CTIF: variants seen among roughly 807,000 people sequenced by gnomAD.
The protein encoded by CTIF is CBP80/20-dependent translation initiation factor.
Under a neutral mutation model 66.0 loss-of-function variants are expected in CTIF, and 21 were observed. That is an observed-to-expected ratio of 0.32 (90% CI 0.23 to 0.46). The LOEUF (loss-of-function observed/expected upper bound fraction) is 0.46, where lower values mean the gene tolerates loss of function less well. Ranked by LOEUF, CTIF falls within the 20% of genes least tolerant of loss-of-function variation. The pLI is 1.00. For missense variants in CTIF, 739 were observed against 812.7 expected (o/e 0.91, Z 1.10); for synonymous variants, 345 against 326.4 (o/e 1.06, Z -0.62).
chr18:48,661,063 A>G (rs776686968), intron 3 of CTIF, among the ~76,000 whole-genome samples: 4 of 152,180 alleles, frequency 2.6e-5, no homozygotes, highest in South Asian at 2.1e-4. Context: ...CATCTCCTCA[A>G]TCAGTTGGCA....
chr18:48,611,128 C>G (rs1177078380), intron 1 of CTIF, among the ~76,000 whole-genome samples: 5 of 152,232 alleles, frequency 3.3e-5, no homozygotes, highest in Non-Finnish European at 7.3e-5. Flanking sequence ...GTCATTCCCC[C>G]TTCAGCCCCC....
intron 11 of CTIF, 52 bp from the exon 12 acceptor site, chr18:48,859,292 G>A: frequency 6.6e-7 from 1 of 1,525,248 alleles, no homozygotes; most frequent in East Asian, 2.3e-5. Flanking sequence ...AGGGTGGCCA[G>A]TGGGCCACTG....
At chr18:48,809,595 A>G (rs923459929) in intron 9 of CTIF, among the ~76,000 whole-genome samples, 9 of 151,984 alleles carry the variant, frequency 5.9e-5, no homozygotes, top group African/African-American at 1.9e-4. Flanking sequence ...CTCTTTTTCT[A>G]TGTTCTGAGT....
At chr18:48,542,639 AAC>A (rs2088648347) in intron 1 of CTIF, among the ~76,000 whole-genome samples, 1 of 152,256 alleles carries the variant, frequency 6.6e-6, no homozygotes. Flanking sequence ...GCAATGCAAT[AAC>A]ACAGCCTACA....
intron 1 of CTIF, among the ~76,000 whole-genome samples, chr18:48,584,316 A>T (rs377295175): frequency 1.3e-5 from 2 of 152,300 alleles, no homozygotes; most frequent in East Asian, 3.9e-4. Flanking sequence ...TGTCTTATTT[A>T]CTTACACAAT....
At chr18:48,556,184 C>T (rs903033773) in intron 1 of CTIF, among the ~76,000 whole-genome samples, 12 of 152,296 alleles carry the variant, frequency 7.9e-5, no homozygotes, top group African/African-American at 2.6e-4. Context: ...ATCGTCTCAG[C>T]AGCATCTCTG....
intron 6 of CTIF, among the ~76,000 whole-genome samples, chr18:48,710,625 ATCCTGCATT>A: frequency 6.6e-6 from 1 of 152,326 alleles, no homozygotes; most frequent in Non-Finnish European, 1.5e-5. Flanking sequence ...TCTGCCTGTG[ATCCTGCATT>A]TGCAGGATCT....
intron 7 of CTIF, among the ~76,000 whole-genome samples, chr18:48,750,229 C>T (rs1907672313): frequency 6.6e-6 from 1 of 152,176 alleles, no homozygotes; most frequent in South Asian, 2.1e-4. Flanking sequence ...CCCCATTCTG[C>T]AGGTGGGCAT....
At chr18:48,755,943 A>G (rs1157115478) in intron 7 of CTIF, 1 of 152,294 alleles carries the variant, frequency 6.6e-6, no homozygotes, top group African/African-American at 2.4e-5. Context: ...GAACTGAAGA[A>G]TGACACACTG....
At chr18:48,846,833 G>A (rs2069090319) in intron 10 of CTIF, among the ~76,000 whole-genome samples, 1 of 151,582 alleles carries the variant, frequency 6.6e-6, no homozygotes, top group African/African-American at 2.4e-5. Context: ...ATAGATAGAT[G>A]AATGAAAGAA....
chr18:48,608,494 G>A (rs2090246836), intron 1 of CTIF, among the ~76,000 whole-genome samples: 1 of 152,080 alleles, frequency 6.6e-6, no homozygotes, highest in African/African-American at 2.4e-5. Flanking sequence ...GGGGGGGTGG[G>A]GGCAGGCAGA....
chr18:48,845,059 T>G (rs1195092800), intron 10 of CTIF, among the ~76,000 whole-genome samples: 2 of 151,636 alleles, frequency 1.3e-5, no homozygotes, highest in Non-Finnish European at 2.9e-5. Flanking sequence ...TGTGCCAGTG[T>G]CTTTCCCCTA....
intron 3 of CTIF, among the ~76,000 whole-genome samples, chr18:48,652,911 T>G (rs2091183014): frequency 6.6e-6 from 1 of 152,206 alleles, no homozygotes; most frequent in Non-Finnish European, 1.5e-5. Flanking sequence ...AGAAAAGGCC[T>G]TTGACAAAAT....
At chr18:48,805,933 C>T (rs1380884411) in intron 9 of CTIF, among the ~76,000 whole-genome samples, 1 of 152,188 alleles carries the variant, frequency 6.6e-6, no homozygotes, top group Non-Finnish European at 1.5e-5. Flanking sequence ...GAGCCAAGTC[C>T]CATTCCAGGG....
At chr18:48,593,105 G>T (rs1054369878) in intron 1 of CTIF, among the ~76,000 whole-genome samples, 1 of 152,172 alleles carries the variant, frequency 6.6e-6, no homozygotes, top group African/African-American at 2.4e-5. Flanking sequence ...TCTGTATCTG[G>T]TGGGAGCATG....
intron 7 of CTIF, among the ~76,000 whole-genome samples, chr18:48,735,096 C>CAT (rs74174717): frequency 6.7e-6 from 1 of 149,750 alleles, no homozygotes; most frequent in Non-Finnish European, 1.5e-5. Context: ...AGTTTGTGTG[C>CAT]GTGTGTGTGT....
At chr18:48,730,751 A>AGGGGCTTCTGCG (rs2092449391) in intron 7 of CTIF, among the ~76,000 whole-genome samples, 1 of 115,602 alleles carries the variant, frequency 8.7e-6, no homozygotes, top group African/African-American at 3.6e-5. Context: ...GAGCCCCCGC[A>AGGGGCTTCTGCG]GCTTGAGGGG....
chr18:48,782,202 G>A (rs984820210), intron 9 of CTIF, among the ~76,000 whole-genome samples: 1 of 151,922 alleles, frequency 6.6e-6, no homozygotes, highest in Non-Finnish European at 1.5e-5. Context: ...CTGGGTGGGG[G>A]TGTTTGGTCA....
intron 9 of CTIF, among the ~76,000 whole-genome samples, chr18:48,794,401 G>GCTA (rs2067863779): frequency 6.6e-6 from 1 of 152,042 alleles, no homozygotes; most frequent in African/African-American, 2.4e-5. Context: ...TCTGCAACTC[G>GCTA]AGAGCTAAGG....
Sources: gnomAD v4.1 joint callset for allele counts (sites outside exome capture counted in the v4.1 genomes callset) on GRCh38, gnomAD v4.1.1 for gene constraint, MANE v1.5 for transcripts, NCBI Gene and HGNC (gene_info 2026-07-23, HGNC 2026-07-21) for gene names.